Variants in MRPL20 observed in about 807,000 individuals in gnomAD.
MRPL20 encodes the protein large ribosomal subunit protein bL20m.
MRPL20 carries 21 observed loss-of-function variants against 20.0 expected under a neutral mutation model. That is an observed-to-expected ratio of 1.05 (90% CI 0.74 to 1.51). MRPL20 has a LOEUF of 1.51. Ranked by LOEUF, MRPL20 falls within the 40% of genes most tolerant of loss-of-function variation. The probability of loss-of-function intolerance (pLI) is 0.00; values close to 1 mark genes in which losing one functional copy is unlikely to be tolerated. For synonymous variants in MRPL20, 104 were observed against 73.0 expected, an observed-to-expected ratio of 1.43 and a Z score of -2.17; for missense variants, 252 against 185.6, an observed-to-expected ratio of 1.36 and a Z score of -2.08.
chr1:1,406,087 G>T, intron 2 of MRPL20: 1 of 657,176 alleles, frequency 1.5e-6, no homozygotes, highest in Non-Finnish European at 2.5e-6. Flanking sequence ...TGGGCACGGT[G>T]TCTCACGCCT....
intron 3 of MRPL20, among the ~76,000 whole-genome samples, chr1:1,403,615 G>T (rs1041394341): frequency 6.6e-6 from 1 of 151,956 alleles, no homozygotes; most frequent in Non-Finnish European, 1.5e-5. Context: ...CTACCCTGAA[G>T]ATCTTTGTAA....
chr1:1,402,073 G>A lies in MRPL20; in HGVS notation c.*10C>T, dbSNP rs541052870. 9 of 1,604,670 alleles carry A rather than the reference G, an allele frequency of 5.6e-6. No individual in the cohort carries two copies. Among genetic ancestry groups the A allele is most frequent in the East Asian group, 2.2e-5 (1 of 44,800 alleles). On this transcript the variant is annotated 3_prime_UTR_variant, in exon 4 of 4. Coordinates refer to ENST00000344843, the MANE Select transcript of MRPL20 (RefSeq NM_017971.4). ...TCTGTCTCTTTTCCTAATCAATACA[G>A]CAACAGTCCTCAGTGGTACTGCACC...
At chr1:1,406,642 G>A in intron 2 of MRPL20, 1 of 508,402 alleles carries the variant, frequency 2.0e-6, no homozygotes, top group African/African-American at 1.9e-5. Flanking sequence ...GGCGGTGGCT[G>A]GCGACGCAGG....
intron 3 of MRPL20, among the ~76,000 whole-genome samples, chr1:1,403,713 T>C (rs1645355308): frequency 6.6e-6 from 1 of 152,064 alleles, no homozygotes; most frequent in South Asian, 2.1e-4. Context: ...ACTAGCATAA[T>C]GACCAGATTC....
chr1:1,407,118 A>G lies in MRPL20; in HGVS notation c.87+13T>C, dbSNP rs781167878. On this transcript the variant is annotated intron_variant, in intron 1 of 3. Transcript: ENST00000344843. Reference sequence around the variant, plus strand: ...CGGGCGCCCAGTGCCCAGGCCGGGCAGGCGGCACTCACCCTGGCGTGCTTC... The same window carrying G: ...CGGGCGCCCAGTGCCCAGGCCGGGCGGGCGGCACTCACCCTGGCGTGCTTC... The G allele has an allele frequency of 1.7e-5, 28 of 1,607,054 alleles. No individual in the cohort carries two copies. Among genetic ancestry groups the G allele is most frequent in the East Asian group, 1.3e-4 (6 of 44,646 alleles).
rs202174742 is a variant in MRPL20, at chr1:1,402,147, G to A, written c.386C>T (p.Ala129Val). The change falls in exon 4 of 4, where the codon GCT becomes GTT. Residue 129 changes from alanine (A) to valine (V), a missense_variant. Ala to Val is a moderately conservative substitution (Grantham distance 64). Coordinates refer to ENST00000344843, the MANE Select transcript of MRPL20 (RefSeq NM_017971.4). ...TTCCTTCCCATCCCCCAAGGCAGCA[G>A]CAAATCCTTCGTGTCGCCTCCTACT... ...LASRRRHEGF[A>V]AALGDGKEPE... 46 of 1,614,142 alleles carry A rather than the reference G, an allele frequency of 2.8e-5. No homozygotes were observed. The highest frequency in any genetic ancestry group is 3.6e-5 in the Non-Finnish European group (42 of 1,180,014).
chr1:1,405,664 A>T (rs760147261), intron 3 of MRPL20, 145 bp downstream of exon 3: 26 of 1,437,230 alleles, frequency 1.8e-5, no homozygotes, highest in East Asian at 1.4e-4. Flanking sequence ...TCAGCATAGC[A>T]AACTACAGCC....
intron 2 of MRPL20, 71 bp downstream of exon 2, chr1:1,406,838 G>C: frequency 1.5e-6 from 2 of 1,355,552 alleles, no homozygotes; most frequent in East Asian, 2.3e-5. Context: ...CTGCACACTA[G>C]CTGGGTCGCG....
At chr1:1,406,456 C>T (rs771822465) in intron 2 of MRPL20, 2 of 203,730 alleles carry the variant, frequency 9.8e-6, no homozygotes, top group East Asian at 2.5e-4. Context: ...GTGGAGGCGC[C>T]AGCCTCCCAG....
At position 1,402,047 on chromosome 1, in the gene MRPL20, C is replaced by CTCTGTCTCTTTTCCTAATCAAT; in HGVS notation, c.*14_*35dup. On this transcript the variant is annotated 3_prime_UTR_variant, in exon 4 of 4. Transcript: ENST00000344843. ...TATAAATCAAACAAACTGCAAATTACTCTGTCTCTTTTCCTAATCAATACA... is the reference window on the plus strand; with the variant it reads ...TATAAATCAAACAAACTGCAAATTACTCTGTCTCTTTTCCTAATCAATTCTGTCTCTTTTCCTAATCAATACA... 6.3e-7 allele frequency: 1 copy of CTCTGTCTCTTTTCCTAATCAAT among 1,577,656 alleles called. No homozygotes were observed. Among genetic ancestry groups the CTCTGTCTCTTTTCCTAATCAAT allele is most frequent in the Non-Finnish European group, 8.6e-7 (1 of 1,162,312 alleles).
intron 3 of MRPL20, among the ~76,000 whole-genome samples, chr1:1,404,923 T>G (rs943314167): frequency 6.6e-6 from 1 of 152,182 alleles, no homozygotes; most frequent in South Asian, 2.1e-4. Context: ...ACGGTGCAGC[T>G]GGAGTGGCAC....
chr1:1,405,902 A>G lies in MRPL20; in HGVS notation c.199-16T>C. On this transcript the variant is annotated splice_polypyrimidine_tract_variant and intron_variant, in intron 2 of 3. Transcript: ENST00000344843. ...TAATCCAGAGCTGAAATAAGAAAAC[A>G]TGAAGATACTTAAAAATGACTTCTG... The G allele has an allele frequency of 1.3e-6, 2 of 1,599,344 alleles. No individual in the cohort carries two copies. The highest frequency in any genetic ancestry group is 4.5e-5 in the East Asian group (2 of 44,564).
intron 3 of MRPL20, 65 bp from the exon 4 acceptor site, chr1:1,402,321 G>T: frequency 6.6e-7 from 1 of 1,523,912 alleles, no homozygotes; most frequent in Non-Finnish European, 8.8e-7. Flanking sequence ...CCGCGTGGTT[G>T]CGGCGCTGGC....
chr1:1,406,110 C>A, intron 2 of MRPL20: 1 of 534,434 alleles, frequency 1.9e-6, no homozygotes. Context: ...AATCCCAGCA[C>A]TTTGGGAGGG....
chr1:1,406,692 G>A (rs985620426), intron 2 of MRPL20: 1 of 582,042 alleles, frequency 1.7e-6, no homozygotes, highest in African/African-American at 1.9e-5. Context: ...CGGGCGAGGG[G>A]CTGGAGCAGG....
intron 2 of MRPL20, 74 bp from the exon 3 acceptor site, chr1:1,405,960 C>A: frequency 6.5e-7 from 1 of 1,541,262 alleles, no homozygotes; most frequent in Non-Finnish European, 8.7e-7. Context: ...TCTAATTGAT[C>A]TAAAGAATAT....
chr1:1,405,461 G>C, intron 3 of MRPL20: 1 of 594,448 alleles, frequency 1.7e-6, no homozygotes, highest in Middle Eastern at 4.5e-4. Context: ...TTTTTTTGTA[G>C]AGAGTGGTCT....
rs1645333395 is a variant in MRPL20 at position 1,401,941 on chromosome 1, A to G, written c.*142T>C. ...TGTTTGAGTTTCATTCACACAAAAC[A>G]TGGACATCATCTGTGAGGCTCTGTC... On this transcript the variant is annotated 3_prime_UTR_variant, in exon 4 of 4. Transcript: ENST00000344843. The G allele has an allele frequency of 4.1e-6, 4 of 969,254 alleles. No individual in the cohort carries two copies. The highest frequency in any genetic ancestry group is 4.6e-6 in the Non-Finnish European group (3 of 658,438). 60.0% of individuals were successfully genotyped at this position (969,254 alleles called of 1,614,324 possible). A position where few individuals can be genotyped will look rare whatever the true frequency, so the allele number is the denominator to read the frequency against.
In MRPL20 at chr1:1,403,967, G is replaced by A. The variant is rs571193128; in HGVS notation, c.277-1711C>T. Among the ~76,000 whole-genome samples the A allele has an allele frequency of 1.1e-4, 17 of 152,012 alleles. No individual in the cohort carries two copies. The South Asian group carries it at 1.2e-3, about 11-fold the overall frequency. On this transcript the variant is annotated intron_variant, in intron 3 of 3. Coordinates refer to ENST00000344843, the MANE Select transcript of MRPL20 (RefSeq NM_017971.4). ...AGCCAATCTCCTGCCTCAGCCTCCC[G>A]AGTAGCATACAGGCGCATGCCAGCA...
Sources: gnomAD v4.1 joint callset for allele counts (sites outside exome capture counted in the v4.1 genomes callset) on GRCh38, gnomAD v4.1.1 for gene constraint, MANE v1.5 for transcripts, NCBI Gene and HGNC (gene_info 2026-07-23, HGNC 2026-07-21) for gene names.